FAM184A: variants seen among roughly 807,000 people sequenced by gnomAD.
The protein encoded by FAM184A is family with sequence similarity 184 member A.
FAM184A carries 99 observed loss-of-function variants against 143.8 expected under a neutral mutation model. The ratio of observed to expected loss-of-function variants is 0.69; its 90% confidence interval spans 0.58 to 0.81. The LOEUF (loss-of-function observed/expected upper bound fraction) is 0.81, where lower values mean the gene tolerates loss of function less well. Ranked by LOEUF, FAM184A falls within the 40% of genes least tolerant of loss-of-function variation. FAM184A has a pLI of 0.00. For missense variants in FAM184A, 1,217 were observed against 1,310.5 expected (o/e 0.93, Z 1.10); for synonymous variants, 427 against 446.4 (o/e 0.96, Z 0.55).
chr6:119,112,454 G>A (rs1009329958), intron 1 of FAM184A, among the ~76,000 whole-genome samples: 2 of 152,144 alleles, frequency 1.3e-5, no homozygotes, highest in Non-Finnish European at 2.9e-5. Flanking sequence ...CAAATTGAAC[G>A]TGCCATGACT....
chr6:119,011,266 A>G (rs1785079577), intron 6 of FAM184A, 43 bp downstream of exon 6: 1 of 1,542,326 alleles, frequency 6.5e-7, no homozygotes, highest in Admixed American at 1.9e-5. Context: ...AGTTATTATT[A>G]TTAAAATCTA....
intron 4 of FAM184A, 109 bp from the exon 5 acceptor site, chr6:119,017,053 G>A (rs573203229): frequency 8.6e-6 from 6 of 696,432 alleles, no homozygotes; most frequent in South Asian, 5.9e-5. Context: ...TGAGTGCTAC[G>A]GGATCTAGAC....
At chr6:119,100,044 C>A (rs1225311245) in intron 1 of FAM184A, among the ~76,000 whole-genome samples, 2 of 152,178 alleles carry the variant, frequency 1.3e-5, no homozygotes, top group African/African-American at 4.8e-5. Flanking sequence ...GATACTATCT[C>A]CAGGTAGGTG....
chr6:118,968,025 A>G (rs1783553094), intron 14 of FAM184A, among the ~76,000 whole-genome samples: 3 of 152,210 alleles, frequency 2.0e-5, no homozygotes. Context: ...ATTTGGAGAT[A>G]ACATATTAGG....
intron 1 of FAM184A, among the ~76,000 whole-genome samples, chr6:119,074,473 G>C (rs1308312320): frequency 6.6e-6 from 1 of 152,004 alleles, no homozygotes; most frequent in Non-Finnish European, 1.5e-5. Context: ...TTGTGACTTT[G>C]TTACTGAAGG....
chr6:119,033,038 C>T (rs1785950310), intron 1 of FAM184A, among the ~76,000 whole-genome samples: 1 of 152,080 alleles, frequency 6.6e-6, no homozygotes, highest in African/African-American at 2.4e-5. Flanking sequence ...ATGGTACTCC[C>T]AGACCAGCCT....
upstream of FAM184A, among the ~76,000 whole-genome samples, chr6:119,083,640 T>C (rs1788135468): frequency 6.6e-6 from 1 of 152,180 alleles, no homozygotes; most frequent in Non-Finnish European, 1.5e-5. Flanking sequence ...TGCTAAACCA[T>C]AGCAAGAGCG....
intron 1 of FAM184A, among the ~76,000 whole-genome samples, chr6:119,135,883 C>T (rs1004036486): frequency 1.4e-4 from 21 of 151,658 alleles, no homozygotes; most frequent in Admixed American, 6.6e-5. Flanking sequence ...TCTTTTTATT[C>T]TCCTAAATGT....
At chr6:118,985,593 G>GTC (rs60935444) in intron 9 of FAM184A, among the ~76,000 whole-genome samples, 3,624 of 152,180 alleles carry the variant, frequency 0.024, 173 homozygotes, top group African/African-American at 0.083. Context: ...GGCTGGCACT[G>GTC]TCCCTCACTT....
intron 1 of FAM184A, among the ~76,000 whole-genome samples, chr6:119,047,597 A>C (rs1000307236): frequency 9.9e-5 from 15 of 152,122 alleles, no homozygotes; most frequent in Non-Finnish European, 1.8e-4. Flanking sequence ...TACTACGAAC[A>C]CCTCTGTGCA....
intron 1 of FAM184A, among the ~76,000 whole-genome samples, chr6:119,099,942 T>G (rs1355904851): frequency 6.6e-6 from 1 of 152,196 alleles, no homozygotes; most frequent in Non-Finnish European, 1.5e-5. Context: ...TTATAGCTAG[T>G]CAGTCAGAAG....
chr6:119,058,597 G>A (rs1317549466), intron 1 of FAM184A, among the ~76,000 whole-genome samples: 1 of 152,152 alleles, frequency 6.6e-6, no homozygotes, highest in Non-Finnish European at 1.5e-5. Context: ...TCTGAGTCTA[G>A]GTCAGTAGGA....
chr6:119,084,888 T>C (rs2114811850), intron 1 of FAM184A, among the ~76,000 whole-genome samples: 1 of 152,336 alleles, frequency 6.6e-6, no homozygotes, highest in South Asian at 2.1e-4. Flanking sequence ...CAGCCCAAGC[T>C]GTGTCTGGAG....
intron 1 of FAM184A, among the ~76,000 whole-genome samples, chr6:119,099,248 G>A (rs969191752): frequency 2.0e-5 from 3 of 152,014 alleles, no homozygotes; most frequent in Non-Finnish European, 2.9e-5. Context: ...AATCTCCTTT[G>A]TAACAAGCCA....
chr6:119,061,662 C>T (rs1787254678), intron 1 of FAM184A, among the ~76,000 whole-genome samples: 1 of 140,434 alleles, frequency 7.1e-6, no homozygotes, highest in Non-Finnish European at 1.5e-5. Context: ...TACTTTTCAA[C>T]TAAAGTGAGG....
chr6:119,112,266 G>A (rs2114849523), intron 1 of FAM184A, among the ~76,000 whole-genome samples: 1 of 152,020 alleles, frequency 6.6e-6, no homozygotes, highest in African/African-American at 2.4e-5. Context: ...TCAGTAGCTG[G>A]GATTACAGGC....
Position 118,960,272 on chromosome 6 carries a change from T to A in FAM184A, c.3342-88A>T, listed in dbSNP as rs987814161. The A allele has an allele frequency of 4.9e-6, 5 of 1,027,450 alleles. No homozygotes were observed. The African/African-American group carries it at 8.0e-5, about 16-fold the overall frequency. 63.6% of individuals were successfully genotyped at this position (1,027,450 alleles called of 1,614,324 possible). A position where few individuals can be genotyped will look rare whatever the true frequency, so the allele number is the denominator to read the frequency against. On this transcript the variant is annotated intron_variant, in intron 17 of 17. Transcript: ENST00000338891. Reference sequence around the variant, plus strand: ...AAGCACATAAAACATCAGCATAGATTACCACAACGGGTTCCCCATGTTGTA... The same window carrying A: ...AAGCACATAAAACATCAGCATAGATAACCACAACGGGTTCCCCATGTTGTA...
chr6:119,102,077 A>C (rs990237211), intron 1 of FAM184A, among the ~76,000 whole-genome samples: 1 of 152,144 alleles, frequency 6.6e-6, no homozygotes, highest in Non-Finnish European at 1.5e-5. Context: ...AATAAAAATA[A>C]ATAAAGTATA....
chr6:118,986,022 G>T (rs1030939140), intron 9 of FAM184A, among the ~76,000 whole-genome samples: 2 of 152,112 alleles, frequency 1.3e-5, no homozygotes, highest in African/African-American at 4.8e-5. Context: ...GGCCTGGCGC[G>T]GTGGCTCATG....
Sources: gnomAD v4.1 joint callset for allele counts (sites outside exome capture counted in the v4.1 genomes callset) on GRCh38, gnomAD v4.1.1 for gene constraint, MANE v1.5 for transcripts, NCBI Gene and HGNC (gene_info 2026-07-23, HGNC 2026-07-21) for gene names.